The following SLC35F4 variants were observed in gnomAD, a reference collection of about 807,000 sequenced individuals.
The protein encoded by SLC35F4 is solute carrier family 35 member F4, also known as chromosome 14 open reading frame 36.
In SLC35F4, 24 loss-of-function variants were observed where a neutral mutation model predicts 44.2. That is an observed-to-expected ratio of 0.54 (90% confidence interval 0.39 to 0.76). The LOEUF (loss-of-function observed/expected upper bound fraction) is 0.76, where lower values mean the gene tolerates loss of function less well. Among genes scored for constraint, SLC35F4 ranks in the 30% least tolerant of loss-of-function variants. The pLI is 0.00. For missense variants in SLC35F4, 562 were observed against 586.1 expected (o/e 0.96, Z 0.42); for synonymous variants, 238 against 223.6 (o/e 1.06, Z -0.57).
At chr14:57,803,878 C>A (rs1424774485) in intron 1 of SLC35F4, among the ~76,000 whole-genome samples, 1 of 151,922 alleles carries the variant, frequency 6.6e-6, no homozygotes, top group Non-Finnish European at 1.5e-5. Flanking sequence ...ACGTGAGCCA[C>A]CCAGTCCCAA....
In SLC35F4 at chr14:57,832,643, A is replaced by G. The variant is rs186468378; in HGVS notation, c.103+33080T>C. 1.9e-3 allele frequency among the ~76,000 whole-genome samples: 289 copies of G among 152,334 alleles called. 1 individual carries two copies. The highest frequency in any genetic ancestry group is 6.5e-3 in the African/African-American group (272 of 41,580). ...TACAATACAATTTATTAGAAACAAT[A>G]AACAGAGAATGATAACTAAAGTCCT... On this transcript the variant is annotated intron_variant, in intron 1 of 7. Coordinates refer to ENST00000556826, the MANE Select transcript of SLC35F4 (RefSeq NM_001306087.2).
At chr14:57,887,239 G>C (rs1888669523) in intron 1 of SLC35F4, among the ~76,000 whole-genome samples, 1 of 152,200 alleles carries the variant, frequency 6.6e-6, no homozygotes, top group African/African-American at 2.4e-5. Context: ...GGGCAAGGTA[G>C]CAACCAAGTA....
intron 1 of SLC35F4, among the ~76,000 whole-genome samples, chr14:57,887,046 C>T (rs1257883281): frequency 1.3e-5 from 2 of 152,178 alleles, no homozygotes; most frequent in South Asian, 2.1e-4. Context: ...AAAACCATTG[C>T]TAAAGGTCTG....
At chr14:57,706,810 G>C (rs34194361) in intron 1 of SLC35F4, among the ~76,000 whole-genome samples, 58,295 of 152,054 alleles carry the variant, frequency 0.38, 11,269 homozygotes, top group Middle Eastern at 0.41. Flanking sequence ...GGCTGGAGAA[G>C]TGGGCCAGAT....
chr14:57,585,116 G>C (rs993506353), intron 3 of SLC35F4, among the ~76,000 whole-genome samples: 1 of 152,102 alleles, frequency 6.6e-6, no homozygotes, highest in Non-Finnish European at 1.5e-5. Context: ...TTATAGCTGA[G>C]TTTTCATAGA....
At chr14:57,782,379 C>CAAAAA (rs76733800) in intron 1 of SLC35F4, among the ~76,000 whole-genome samples, 5 of 138,866 alleles carry the variant, frequency 3.6e-5, no homozygotes, top group African/African-American at 1.0e-4. Flanking sequence ...CTAGAAATAT[C>CAAAAA]AAAAAAAAAA....
intron 1 of SLC35F4, among the ~76,000 whole-genome samples, chr14:57,723,453 T>G (rs540609277): frequency 7.2e-4 from 109 of 152,340 alleles, no homozygotes; most frequent in African/African-American, 2.6e-3. Context: ...ACATCCCTGT[T>G]CAACTCTCCC....
chr14:57,608,790 G>C (rs750050824), intron 1 of SLC35F4, among the ~76,000 whole-genome samples: 3 of 28,460 alleles, frequency 1.1e-4, no homozygotes, highest in East Asian at 5.1e-4. Context: ...AGATGGCCGG[G>C]GGGGGGCGGC....
chr14:57,633,872 G>A (rs955039880), intron 1 of SLC35F4, among the ~76,000 whole-genome samples: 39 of 151,984 alleles, frequency 2.6e-4, no homozygotes, highest in African/African-American at 8.7e-4. Flanking sequence ...TTTTTATTGC[G>A]GAGTGGTATT....
At chr14:57,648,761 A>G (rs1007107227) in intron 1 of SLC35F4, among the ~76,000 whole-genome samples, 2 of 152,236 alleles carry the variant, frequency 1.3e-5, no homozygotes, top group Non-Finnish European at 2.9e-5. Flanking sequence ...GCTCTTCAGC[A>G]ACACCCTGCA....
intron 1 of SLC35F4, among the ~76,000 whole-genome samples, chr14:57,632,225 AG>A (rs1225153266): frequency 6.6e-6 from 1 of 152,126 alleles, no homozygotes; most frequent in African/African-American, 2.4e-5. Context: ...TTGCAGTTCT[AG>A]CAAAGAGGAA....
At chr14:57,861,328 A>G (rs1478010734) in intron 1 of SLC35F4, among the ~76,000 whole-genome samples, 2 of 151,954 alleles carry the variant, frequency 1.3e-5, no homozygotes, top group Non-Finnish European at 2.9e-5. Context: ...CCCTATATCC[A>G]TGTTCCTATC....
At chr14:57,881,455 T>C (rs1032239565) in intron 1 of SLC35F4, among the ~76,000 whole-genome samples, 4 of 152,180 alleles carry the variant, frequency 2.6e-5, no homozygotes, top group African/African-American at 4.8e-5. Flanking sequence ...ATGGTGTCAA[T>C]ATAGTTGAAA....
At chr14:57,596,656 G>A (rs1469619070) in intron 1 of SLC35F4, 9 of 631,000 alleles carry the variant, frequency 1.4e-5, no homozygotes, top group Non-Finnish European at 2.6e-5. Context: ...AAGTTGGGAT[G>A]GGATTGAGAT....
At chr14:57,879,299 G>A (rs562456008) in intron 1 of SLC35F4, among the ~76,000 whole-genome samples, 8 of 152,096 alleles carry the variant, frequency 5.3e-5, no homozygotes, top group East Asian at 1.9e-4. Context: ...TGCCTTTGTC[G>A]CTAAATACAC....
intron 1 of SLC35F4, among the ~76,000 whole-genome samples, chr14:57,929,919 T>A (rs1426759693): frequency 6.6e-6 from 1 of 152,144 alleles, no homozygotes; most frequent in African/African-American, 2.4e-5. Context: ...GTGCTTTTTT[T>A]CCCTTCACAG....
chr14:57,676,014 C>G (rs547934782), intron 1 of SLC35F4, among the ~76,000 whole-genome samples: 1 of 152,080 alleles, frequency 6.6e-6, no homozygotes, highest in East Asian at 1.9e-4. Flanking sequence ...AAATAATCAG[C>G]AGAGTAAATA....
intron 1 of SLC35F4, among the ~76,000 whole-genome samples, chr14:57,938,417 G>T (rs1889854936): frequency 6.6e-6 from 1 of 152,174 alleles, no homozygotes; most frequent in Non-Finnish European, 1.5e-5. Flanking sequence ...GACAGACCAG[G>T]CTTGAATCCT....
intron 1 of SLC35F4, among the ~76,000 whole-genome samples, chr14:57,827,529 T>A (rs1883918099): frequency 6.6e-6 from 1 of 152,090 alleles, no homozygotes. Context: ...ATTATTTTTT[T>A]AAAAAAAGGA....
Sources: allele counts gnomAD v4.1 joint callset (sites outside exome capture counted in the v4.1 genomes callset), GRCh38; gene constraint gnomAD v4.1.1; transcripts MANE v1.5; gene names NCBI Gene and HGNC (gene_info 2026-07-23, HGNC 2026-07-21).